The following CLHC1 variants were observed in gnomAD, a reference collection of about 807,000 sequenced individuals.
The protein encoded by CLHC1 is clathrin heavy chain linker domain-containing protein 1.
Under a neutral mutation model 69.5 loss-of-function variants are expected in CLHC1, and 72 were observed. The observed-to-expected ratio is 1.04, with a 90% CI of 0.86 to 1.26. The LOEUF (loss-of-function observed/expected upper bound fraction) is 1.26, where lower values mean the gene tolerates loss of function less well. CLHC1 is among the 50% of genes most tolerant of loss of function. The probability of loss-of-function intolerance (pLI) is 0.00; values close to 1 mark genes in which losing one functional copy is unlikely to be tolerated. For missense variants in CLHC1, 790 were observed against 679.3 expected, an observed-to-expected ratio of 1.16 and a Z score of -1.81; for synonymous variants, 223 against 224.3, an observed-to-expected ratio of 0.99 and a Z score of 0.05.
rs1327305309 is a variant in CLHC1, at chr2:55,217,584, T to TATATATATATATAC, written c.365+226_365+227insGTATATATATATAT. On this transcript the variant is annotated intron_variant, in intron 4 of 12. Coordinates refer to ENST00000401408, the MANE Select transcript of CLHC1 (RefSeq NM_152385.4). ...ATATATATATATATATATATATATA[T>TATATATATATATAC]ACTAAGAGGTACTATAAACGTTCTC... 6.2e-5 allele frequency among the ~76,000 whole-genome samples: 6 copies of TATATATATATATAC among 96,296 alleles called. No homozygotes were observed. The East Asian group carries it at 1.6e-3, about 26-fold the overall frequency. 63.2% of individuals were successfully genotyped at this position (96,296 alleles called of 152,430 possible). A position where few individuals can be genotyped will look rare whatever the true frequency, so the allele number is the denominator to read the frequency against.
intron 1 of CLHC1, among the ~76,000 whole-genome samples, chr2:55,230,061 A>T (rs1396308905): frequency 1.3e-5 from 2 of 152,200 alleles, no homozygotes; most frequent in African/African-American, 4.8e-5. Flanking sequence ...AACAACAGCG[A>T]AACTCCATCT....
chr2:55,206,496 A>G (rs1001230288), intron 8 of CLHC1, 120 bp from the exon 9 acceptor site: 1 of 660,018 alleles, frequency 1.5e-6, no homozygotes, highest in South Asian at 1.7e-5. Context: ...AACAAAAAGG[A>G]ATTCTAATAA....
At chr2:55,188,484 G>A (rs6727131) in intron 9 of CLHC1, among the ~76,000 whole-genome samples, 1 of 151,742 alleles carries the variant, frequency 6.6e-6, no homozygotes, top group Admixed American at 6.6e-5. Flanking sequence ...ATAGGAAATC[G>A]CATACGTTAC....
chr2:55,212,075 G>C (rs1447039795), intron 5 of CLHC1, among the ~76,000 whole-genome samples: 1 of 152,126 alleles, frequency 6.6e-6, no homozygotes, highest in Non-Finnish European at 1.5e-5. Flanking sequence ...CCAGGAGTTT[G>C]AGACCAGCGT....
rs748993648 is a variant in CLHC1 at position 55,209,392 on chromosome 2, T to C, written c.814+12A>G. On this transcript the variant is annotated intron_variant, in intron 7 of 12. Coordinates refer to ENST00000401408, the MANE Select transcript of CLHC1 (RefSeq NM_152385.4). ...CATTATTGGTACTAATTTAAAAATA[T>C]AGATAATCTACCTTGTAAATATTTG... 9.3e-6 allele frequency: 14 copies of C among 1,503,784 alleles called. No homozygotes were observed. In the East Asian group the frequency reaches 1.4e-4, roughly 15 times the overall value. 93.2% of individuals were successfully genotyped at this position (1,503,784 alleles called of 1,614,324 possible). A position where few individuals can be genotyped will look rare whatever the true frequency, so the allele number is the denominator to read the frequency against.
chr2:55,215,821 T>C (rs1018727493), intron 4 of CLHC1, among the ~76,000 whole-genome samples: 7 of 152,182 alleles, frequency 4.6e-5, no homozygotes, highest in African/African-American at 1.7e-4. Flanking sequence ...TTCTGTTAGA[T>C]TTTGCCCTGA....
At chr2:55,196,488 G>C (rs1308784731) in intron 9 of CLHC1, among the ~76,000 whole-genome samples, 2 of 152,166 alleles carry the variant, frequency 1.3e-5, no homozygotes, top group Non-Finnish European at 2.9e-5. Context: ...TTGCAATTTG[G>C]ATACCAGCTC....
intron 1 of CLHC1, among the ~76,000 whole-genome samples, chr2:55,229,278 A>G (rs1343024442): frequency 6.6e-6 from 1 of 152,040 alleles, no homozygotes; most frequent in African/African-American, 2.4e-5. Flanking sequence ...GGAAGGTGGG[A>G]GGATACCATT....
rs1287800517 is a variant in CLHC1 at position 55,173,999 on chromosome 2, A to G, written c.*1791T>C. ...CACATAATAGCTTTCTATCAATCAT[A>G]TAGGTCTCAAAGGAAAAAAAAAAAA... On this transcript the variant is annotated 3_prime_UTR_variant, in exon 13 of 13. Transcript: ENST00000401408. 3.0e-5 allele frequency among the ~76,000 whole-genome samples: 4 copies of G among 132,814 alleles called. No individual in the cohort carries two copies. In the East Asian group the frequency reaches 8.7e-4, roughly 29 times the overall value. The allele number at this position is 132,814 out of a possible 152,430, so 87.1% of individuals were successfully genotyped here. A position where few individuals can be genotyped will look rare whatever the true frequency, so the allele number is the denominator to read the frequency against.
chr2:55,200,225 T>A (rs368129202), intron 9 of CLHC1, among the ~76,000 whole-genome samples: 20 of 52,920 alleles, frequency 3.8e-4, no homozygotes, highest in South Asian at 1.6e-3. Flanking sequence ...AAGACTGTCT[T>A]AAAAAAAAAA....
At chr2:55,186,640 A>T (rs1210345991) in intron 9 of CLHC1, among the ~76,000 whole-genome samples, 1 of 151,810 alleles carries the variant, frequency 6.6e-6, no homozygotes, top group African/African-American at 2.4e-5. Context: ...GGGTATGCCT[A>T]TACTCCCACC....
intron 9 of CLHC1, among the ~76,000 whole-genome samples, chr2:55,189,778 A>G (rs1206325831): frequency 6.6e-6 from 1 of 152,238 alleles, no homozygotes; most frequent in African/African-American, 2.4e-5. Context: ...GGCCAGGGAA[A>G]GAACTATTCA....
chr2:55,217,270 C>T (rs142212722), intron 4 of CLHC1, among the ~76,000 whole-genome samples: 2,119 of 150,922 alleles, frequency 0.014, 55 homozygotes, highest in African/African-American at 0.049. Context: ...AATCTTAGCA[C>T]TTTGGGAGGC....
chr2:55,180,755 G>C (rs1373431370), intron 10 of CLHC1, 43 bp from the exon 11 acceptor site: 2 of 1,510,078 alleles, frequency 1.3e-6, no homozygotes, highest in Non-Finnish European at 1.8e-6. Flanking sequence ...GAAAATTCCT[G>C]ATGAGTGGCT....
At chr2:55,191,485 C>G (rs1670925721) in intron 9 of CLHC1, among the ~76,000 whole-genome samples, 1 of 152,174 alleles carries the variant, frequency 6.6e-6, no homozygotes, top group Non-Finnish European at 1.5e-5. Context: ...CTGCCCACCT[C>G]AGCCTCCCAA....
intron 12 of CLHC1, among the ~76,000 whole-genome samples, chr2:55,176,649 A>G (rs1669415721): frequency 6.6e-6 from 1 of 152,184 alleles, no homozygotes; most frequent in South Asian, 2.1e-4. Context: ...TGCATTACTT[A>G]TGGTACTTCA....
intron 9 of CLHC1, among the ~76,000 whole-genome samples, chr2:55,189,749 C>T (rs533461295): frequency 3.3e-5 from 5 of 152,260 alleles, no homozygotes; most frequent in East Asian, 3.9e-4. Flanking sequence ...TAGCACATAC[C>T]GGTGAGGAAG....
At position 55,173,095 on chromosome 2, in the gene CLHC1, C is replaced by A. The variant is rs1042296937; in HGVS notation, c.*2695G>T. Among the ~76,000 whole-genome samples the A allele has an allele frequency of 6.6e-6, 1 of 152,164 alleles. No homozygotes were observed. Among genetic ancestry groups the A allele is most frequent in the African/African-American group, 2.4e-5 (1 of 41,432 alleles). On this transcript the variant is annotated 3_prime_UTR_variant, in exon 13 of 13. Coordinates refer to ENST00000401408, the MANE Select transcript of CLHC1 (RefSeq NM_152385.4). ...AATATGAAATCAGAGAAACTTAGTT[C>A]ATCATGACCCTTGCTTTGCAACTGC...
intron 2 of CLHC1, among the ~76,000 whole-genome samples, chr2:55,223,682 C>G (rs111797461): frequency 0.027 from 4,129 of 152,260 alleles, 193 homozygotes; most frequent in African/African-American, 0.095. Flanking sequence ...CCCGGACCCG[C>G]TCAGCGGTCC....
Sources: allele counts gnomAD v4.1 joint callset (sites outside exome capture counted in the v4.1 genomes callset), GRCh38; gene constraint gnomAD v4.1.1; transcripts MANE v1.5; gene names NCBI Gene and HGNC (gene_info 2026-07-23, HGNC 2026-07-21).